TLL1: variants seen among roughly 807,000 people sequenced by gnomAD.
TLL1 encodes tolloid-like protein 1.
A neutral mutation model predicts 128.2 loss-of-function variants in TLL1; 49 were observed. That is an observed-to-expected ratio of 0.38 (90% CI 0.30 to 0.48). TLL1 has a LOEUF of 0.48. Ranked by LOEUF, TLL1 falls within the 20% of genes least tolerant of loss-of-function variation. The pLI, the probability that TLL1 is intolerant of heterozygous loss-of-function variation, is 0.96. For missense variants in TLL1, 1,123 were observed against 1,242.0 expected, an observed-to-expected ratio of 0.90 and a Z score of 1.44; for synonymous variants, 454 against 418.8, an observed-to-expected ratio of 1.08 and a Z score of -1.03.
Position 166,065,992 on chromosome 4 carries a change from CACAAAA to C in TLL1, c.2188+131_2188+136del. ...GAAGATAAGTAGGCCTTACAAACAACACAAAAATAATTATAGCAATATTTTTATACA... is the reference window on the plus strand; with the variant it reads ...GAAGATAAGTAGGCCTTACAAACAACATAATTATAGCAATATTTTTATACA... On this transcript the variant is annotated intron_variant, in intron 16 of 20. Coordinates refer to ENST00000061240, the MANE Select transcript of TLL1 (RefSeq NM_012464.5). 3.3e-5 allele frequency: 6 copies of C among 181,170 alleles called. 1 individual carries two copies. Among genetic ancestry groups the C allele is most frequent in the Non-Finnish European group, 2.5e-5 (3 of 119,240 alleles). The allele number at this position is 181,170 out of a possible 1,614,324, so 11.2% of individuals were successfully genotyped here. A position where few individuals can be genotyped will look rare whatever the true frequency, so the allele number is the denominator to read the frequency against.
chr4:166,022,645 A>G (rs1329412669), intron 8 of TLL1, among the ~76,000 whole-genome samples: 2 of 152,220 alleles, frequency 1.3e-5, no homozygotes, highest in African/African-American at 4.8e-5. Context: ...CAGCAAAAAT[A>G]TTTGCAGATG....
intron 10 of TLL1, among the ~76,000 whole-genome samples, chr4:166,041,152 C>T (rs751125694): frequency 3.9e-5 from 6 of 152,062 alleles, no homozygotes; most frequent in Non-Finnish European, 5.9e-5. Flanking sequence ...CAGATATAAT[C>T]TACAGATTAT....
chr4:166,010,416 A>G (rs1459135318), intron 7 of TLL1, among the ~76,000 whole-genome samples: 2 of 150,982 alleles, frequency 1.3e-5, no homozygotes, highest in African/African-American at 4.8e-5. Context: ...GCTCGGTGGC[A>G]TTTGTATATC....
intron 1 of TLL1, among the ~76,000 whole-genome samples, chr4:165,931,355 T>C (rs1429570956): frequency 1.3e-5 from 2 of 152,180 alleles, no homozygotes; most frequent in African/African-American, 4.8e-5. Flanking sequence ...TTTAACTTTA[T>C]ACAGTTAGGT....
intron 1 of TLL1, 69 bp downstream of exon 1, chr4:165,874,142 G>T (rs1730618851): frequency 8.9e-6 from 14 of 1,581,802 alleles, no homozygotes; most frequent in Non-Finnish European, 1.1e-5. Context: ...CATGGGTGGC[G>T]GTGGGAGCTC....
chr4:166,093,098 T>C (rs1741850997), intron 19 of TLL1, among the ~76,000 whole-genome samples: 3 of 152,162 alleles, frequency 2.0e-5, no homozygotes, highest in Admixed American at 2.0e-4. Context: ...CCTGTGGGTA[T>C]TTCTCATCAG....
intron 1 of TLL1, among the ~76,000 whole-genome samples, chr4:165,984,206 A>C (rs1012560965): frequency 6.6e-6 from 1 of 151,852 alleles, no homozygotes; most frequent in South Asian, 2.1e-4. Flanking sequence ...TATATAAAAT[A>C]TGTTTGTATT....
chr4:166,087,174 A>C (rs1480353496), intron 18 of TLL1, among the ~76,000 whole-genome samples: 7 of 152,182 alleles, frequency 4.6e-5, no homozygotes. Flanking sequence ...GCATCCAAGC[A>C]TACTTCAATA....
At chr4:165,874,146 G>A in intron 1 of TLL1, 73 bp downstream of exon 1, 1 of 1,575,062 alleles carries the variant, frequency 6.3e-7, no homozygotes, top group Non-Finnish European at 8.7e-7. Context: ...GGTGGCGGTG[G>A]GAGCTCACCT....
chr4:166,097,123 T>C (rs1177025184), intron 19 of TLL1, among the ~76,000 whole-genome samples: 1 of 152,074 alleles, frequency 6.6e-6, no homozygotes, highest in Non-Finnish European at 1.5e-5. Context: ...ATTCCCTTTT[T>C]AGAAAAGAAA....
chr4:165,915,600 G>T (rs1732743857), intron 1 of TLL1, among the ~76,000 whole-genome samples: 1 of 152,174 alleles, frequency 6.6e-6, no homozygotes, highest in Non-Finnish European at 1.5e-5. Flanking sequence ...GCCCAAGTCG[G>T]CTGGGAGAGT....
Position 166,075,019 on chromosome 4 carries a change from C to G in TLL1, c.2314+16C>G. Reference sequence around the variant, plus strand: ...TGCAAGGAAGGTATGGAACGGAATACACTTTTTTTGACAACATGTAGAATT... The same window carrying G: ...TGCAAGGAAGGTATGGAACGGAATAGACTTTTTTTGACAACATGTAGAATT... On this transcript the variant is annotated intron_variant, in intron 17 of 20. Transcript: ENST00000061240. 6.2e-7 allele frequency: 1 copy of G among 1,612,432 alleles called. No homozygotes were observed. The highest frequency in any genetic ancestry group is 8.5e-7 in the Non-Finnish European group (1 of 1,178,950).
chr4:166,082,115 T>C (rs1741311861), intron 18 of TLL1, among the ~76,000 whole-genome samples: 1 of 152,158 alleles, frequency 6.6e-6, no homozygotes, highest in Admixed American at 6.5e-5. Context: ...GAGTTTGTGT[T>C]TTTTGTGGAA....
At chr4:166,050,993 A>C (rs573218031) in intron 12 of TLL1, among the ~76,000 whole-genome samples, 1 of 152,302 alleles carries the variant, frequency 6.6e-6, no homozygotes, top group Non-Finnish European at 1.5e-5. Flanking sequence ...AAAATTGTTC[A>C]GAGCTTACTA....
chr4:165,887,870 G>T (rs1228939298), intron 1 of TLL1, among the ~76,000 whole-genome samples: 1 of 151,940 alleles, frequency 6.6e-6, no homozygotes, highest in African/African-American at 2.4e-5. Flanking sequence ...ATTTGTGCCT[G>T]CTTTTGATAT....
intron 1 of TLL1, among the ~76,000 whole-genome samples, chr4:165,931,879 G>T (rs1005316710): frequency 6.6e-6 from 1 of 152,168 alleles, no homozygotes; most frequent in Non-Finnish European, 1.5e-5. Context: ...ATAAGCAGAT[G>T]TATGGCATTT....
intron 18 of TLL1, among the ~76,000 whole-genome samples, chr4:166,086,091 G>A (rs1741498983): frequency 6.6e-6 from 1 of 152,018 alleles, no homozygotes. Context: ...TAGATAATAG[G>A]AATTACAATA....
intron 12 of TLL1, among the ~76,000 whole-genome samples, chr4:166,044,175 T>C (rs1196787379): frequency 3.3e-5 from 5 of 152,112 alleles, no homozygotes; most frequent in Non-Finnish European, 7.4e-5. Context: ...ATGCAGGTGG[T>C]AGGTCCCAAC....
intron 5 of TLL1, among the ~76,000 whole-genome samples, chr4:165,996,186 T>C (rs1270729672): frequency 2.0e-5 from 3 of 152,168 alleles, no homozygotes; most frequent in Non-Finnish European, 4.4e-5. Context: ...GTAATCATAA[T>C]ATTACCACAG....
Sources: allele counts gnomAD v4.1 joint callset (sites outside exome capture counted in the v4.1 genomes callset), GRCh38; gene constraint gnomAD v4.1.1; transcripts MANE v1.5; gene names NCBI Gene and HGNC (gene_info 2026-07-23, HGNC 2026-07-21).